Variants in ROBO2 observed in about 807,000 individuals in gnomAD.
ROBO2 encodes roundabout homolog 2.
A neutral mutation model predicts 160.8 loss-of-function variants in ROBO2; 53 were observed. The observed-to-expected ratio is 0.33, with a 90% confidence interval of 0.26 to 0.41. ROBO2 has a LOEUF of 0.41. ROBO2 is among the 10% of genes least tolerant of loss of function. The pLI is 1.00. For synonymous variants in ROBO2, 664 were observed against 611.7 expected, an observed-to-expected ratio of 1.09 and a Z score of -1.26; for missense variants, 1,577 against 1,722.4, an observed-to-expected ratio of 0.92 and a Z score of 1.49.
chr3:76,800,113 A>C lies in ROBO2; in HGVS notation c.110-297901A>C, dbSNP rs115345586. 7.6e-3 allele frequency among the ~76,000 whole-genome samples: 1,160 copies of C among 152,330 alleles called. 23 individuals carry two copies. The highest frequency in any genetic ancestry group is 0.026 in the African/African-American group (1,092 of 41,570). On this transcript the variant is annotated intron_variant, in intron 2 of 26. Transcript: ENST00000487694. ...TTTGACAAAGGTGTCAAGAACATAC[A>C]TTGGAGAAAGGACAGTTTATTCAAT...
rs534462973 is a variant in ROBO2, at chr3:76,038,768, G to A, written c.109+101166G>A. Among the ~76,000 whole-genome samples the A allele has an allele frequency of 6.1e-3, 148 of 24,356 alleles. No homozygotes were observed. The African/African-American group carries it at 0.077, about 13-fold the overall frequency. 16.0% of individuals were successfully genotyped at this position (24,356 alleles called of 152,430 possible). ...CAACTGGTAGCACATGGAAAACTGCGTGTGTGTGTGTGTGTGTGTGTGTAT... is the reference window on the plus strand; with the variant it reads ...CAACTGGTAGCACATGGAAAACTGCATGTGTGTGTGTGTGTGTGTGTGTAT... On this transcript the variant is annotated intron_variant, in intron 2 of 26. Transcript: ENST00000487694.
intron 3 of ROBO2, among the ~76,000 whole-genome samples, chr3:77,479,162 G>A (rs1039233869): frequency 7.9e-5 from 12 of 152,166 alleles, no homozygotes; most frequent in African/African-American, 2.9e-4. Context: ...CTCTGGGAGA[G>A]GTGGTGACAA....
intron 1 of ROBO2, among the ~76,000 whole-genome samples, chr3:77,085,834 G>A (rs1294736818): frequency 1.3e-5 from 2 of 152,012 alleles, no homozygotes; most frequent in Non-Finnish European, 2.9e-5. Context: ...GCTTTAAAAG[G>A]ATGAGAATGA....
chr3:77,187,809 T>C (rs752817549), intron 2 of ROBO2, among the ~76,000 whole-genome samples: 1 of 151,940 alleles, frequency 6.6e-6, no homozygotes, highest in South Asian at 2.1e-4. Context: ...AGAAGTATAA[T>C]TAGTATATTT....
At chr3:76,648,967 G>T (rs755388679) in intron 2 of ROBO2, among the ~76,000 whole-genome samples, 1 of 152,000 alleles carries the variant, frequency 6.6e-6, no homozygotes, top group Non-Finnish European at 1.5e-5. Flanking sequence ...ACTATTTTAT[G>T]CTGCCTCTAA....
intron 2 of ROBO2, among the ~76,000 whole-genome samples, chr3:76,283,656 C>CA (rs1365033164): frequency 2.0e-5 from 3 of 151,972 alleles, no homozygotes; most frequent in Non-Finnish European, 4.4e-5. Context: ...AGCATTATGA[C>CA]AGAGTTTCTG....
intron 2 of ROBO2, among the ~76,000 whole-genome samples, chr3:75,959,416 TA>T (rs1253995237): frequency 6.6e-6 from 1 of 151,768 alleles, no homozygotes; most frequent in African/African-American, 2.4e-5. Context: ...AATTTCTGGT[TA>T]AAAAAGGGTT....
In ROBO2 at chr3:75,978,423, T is replaced by G. The variant is rs570519301; in HGVS notation, c.109+40821T>G. On this transcript the variant is annotated intron_variant, in intron 2 of 26. Transcript: ENST00000487694. ...AAGATCTTTCATTTTTAATTTAATCTTCAATTGATGGTGTTCACCAAAATT... is the reference window on the plus strand; with the variant it reads ...AAGATCTTTCATTTTTAATTTAATCGTCAATTGATGGTGTTCACCAAAATT... 2.0e-5 allele frequency among the ~76,000 whole-genome samples: 3 copies of G among 151,666 alleles called. No individual in the cohort carries two copies. The East Asian group carries it at 5.8e-4, about 30-fold the overall frequency.
intron 23 of ROBO2, among the ~76,000 whole-genome samples, chr3:77,624,833 A>G (rs1254080786): frequency 1.3e-5 from 2 of 152,156 alleles, no homozygotes; most frequent in South Asian, 2.1e-4. Flanking sequence ...AGGAGGCAGC[A>G]TGGGTTACAC....
intron 5 of ROBO2, among the ~76,000 whole-genome samples, chr3:77,498,521 T>G (rs936905128): frequency 2.0e-5 from 3 of 152,164 alleles, no homozygotes; most frequent in Admixed American, 1.3e-4. Flanking sequence ...AAGAGAGAAT[T>G]TTCAGAGTTT....
chr3:76,803,370 G>A (rs1447005029), intron 2 of ROBO2, among the ~76,000 whole-genome samples: 1 of 151,102 alleles, frequency 6.6e-6, no homozygotes, highest in Non-Finnish European at 1.5e-5. Context: ...GGAGGAAGAG[G>A]AGGAGGAGGA....
In ROBO2 at chr3:77,098,619, G is replaced by A. The variant is rs181246422; in HGVS notation, c.388+279G>A. ...TCCCAGCACTTTGGGAGGCGGAGGC[G>A]GGCGGATCACGAGGTCAGGAGATCG... On this transcript the variant is annotated intron_variant, in intron 2 of 25. Transcript: ENST00000461745. Among the ~76,000 whole-genome samples the A allele has an allele frequency of 7.0e-3, 1,064 of 152,092 alleles. 20 individuals carry two copies. Among genetic ancestry groups the A allele is most frequent in the African/African-American group, 0.025 (1,017 of 41,488 alleles).
chr3:77,088,602 C>G (rs1343092166), intron 1 of ROBO2, among the ~76,000 whole-genome samples: 1 of 152,072 alleles, frequency 6.6e-6, no homozygotes, highest in Non-Finnish European at 1.5e-5. Flanking sequence ...TTTTAAGATA[C>G]CTATCCAATA....
chr3:76,982,843 TTAG>T (rs2060166531), intron 2 of ROBO2, among the ~76,000 whole-genome samples: 1 of 152,190 alleles, frequency 6.6e-6, no homozygotes, highest in Non-Finnish European at 1.5e-5. Flanking sequence ...CCATGCTTCG[TTAG>T]TAGAATTTCT....
At chr3:77,334,541 A>G (rs1454350009) in intron 2 of ROBO2, among the ~76,000 whole-genome samples, 1 of 152,170 alleles carries the variant, frequency 6.6e-6, no homozygotes, top group African/African-American at 2.4e-5. Flanking sequence ...TACATCACAT[A>G]TATGCTTCTC....
intron 21 of ROBO2, among the ~76,000 whole-genome samples, chr3:77,610,793 A>G (rs954862389): frequency 1.3e-5 from 2 of 150,838 alleles, no homozygotes; most frequent in Non-Finnish European, 3.0e-5. Context: ...ACAATGAAAG[A>G]CGAGAAAACA....
chr3:76,448,241 T>G, intron 2 of ROBO2, among the ~76,000 whole-genome samples: 1 of 152,286 alleles, frequency 6.6e-6, no homozygotes, highest in Middle Eastern at 3.4e-3. Flanking sequence ...AAATTTAAAC[T>G]AATAAGAATA....
intron 2 of ROBO2, among the ~76,000 whole-genome samples, chr3:76,860,937 G>A (rs2148614150): frequency 6.6e-6 from 1 of 152,218 alleles, no homozygotes. Flanking sequence ...TAAAAGGAAA[G>A]CATGAGCTTT....
intron 2 of ROBO2, among the ~76,000 whole-genome samples, chr3:77,326,555 GT>G (rs1175001055): frequency 6.6e-6 from 1 of 152,044 alleles, no homozygotes; most frequent in Non-Finnish European, 1.5e-5. Flanking sequence ...AATCTTTTAT[GT>G]TTTTTGATTA....
Sources: gnomAD v4.1 joint callset for allele counts (sites outside exome capture counted in the v4.1 genomes callset) on GRCh38, gnomAD v4.1.1 for gene constraint, MANE v1.5 for transcripts, NCBI Gene and HGNC (gene_info 2026-07-23, HGNC 2026-07-21) for gene names.